COP1: variants seen among roughly 807,000 people sequenced by gnomAD.
COP1 encodes E3 ubiquitin-protein ligase COP1.
Under a neutral mutation model 101.3 loss-of-function variants are expected in COP1, and 24 were observed. The observed-to-expected ratio is 0.24, with a 90% CI of 0.17 to 0.33. The LOEUF (loss-of-function observed/expected upper bound fraction) is 0.33, where lower values mean the gene tolerates loss of function less well. Ranked by LOEUF, COP1 falls within the 10% of genes least tolerant of loss-of-function variation. The pLI is 1.00. For synonymous variants in COP1, 347 were observed against 341.9 expected, an observed-to-expected ratio of 1.01 and a Z score of -0.17; for missense variants, 663 against 906.2, an observed-to-expected ratio of 0.73 and a Z score of 3.45.
chr1:176,121,354 C>A (rs1171987097), intron 8 of COP1, among the ~76,000 whole-genome samples: 2 of 151,958 alleles, frequency 1.3e-5, no homozygotes, highest in African/African-American at 4.8e-5. Context: ...CATGTTTTTT[C>A]TTGTTTTATT....
chr1:176,053,933 G>A (rs771150344), intron 11 of COP1, among the ~76,000 whole-genome samples: 2 of 151,940 alleles, frequency 1.3e-5, no homozygotes, highest in Non-Finnish European at 2.9e-5. Flanking sequence ...CTCTACATTT[G>A]AACTGGCAGA....
At chr1:176,147,643 G>A (rs888990308) in intron 6 of COP1, among the ~76,000 whole-genome samples, 4 of 152,004 alleles carry the variant, frequency 2.6e-5, no homozygotes, top group Non-Finnish European at 5.9e-5. Flanking sequence ...AAAATCAAGC[G>A]AAAAAGTTCT....
At chr1:176,100,778 T>G (rs1009352977) in intron 9 of COP1, among the ~76,000 whole-genome samples, 6 of 152,134 alleles carry the variant, frequency 3.9e-5, no homozygotes, top group African/African-American at 1.4e-4. Context: ...TCACAAGATA[T>G]CCTTTTCTCC....
intron 15 of COP1, among the ~76,000 whole-genome samples, chr1:175,998,062 T>TAAA (rs1235042168): frequency 2.6e-5 from 1 of 38,004 alleles, no homozygotes; most frequent in Non-Finnish European, 4.2e-5. Context: ...TAGAGTATAA[T>TAAA]TAAAAAAAAA....
chr1:176,127,561 CTGTG>C (rs71129555), intron 8 of COP1, among the ~76,000 whole-genome samples: 36,997 of 148,136 alleles, frequency 0.25, 5,095 homozygotes, highest in East Asian at 0.49. Context: ...TAGTATTCTA[CTGTG>C]TGTGTGTGTG....
In COP1 at chr1:175,976,270, CTTTTTTTTTTTTT is replaced by C. The variant is rs10694480; in HGVS notation, c.2133+10660_2133+10672del. 5.8e-4 allele frequency among the ~76,000 whole-genome samples: 33 copies of C among 56,858 alleles called. 1 individual carries two copies. The East Asian group carries it at 0.015, about 26-fold the overall frequency. 37.3% of individuals were successfully genotyped at this position (56,858 alleles called of 152,430 possible). A position where few individuals can be genotyped will look rare whatever the true frequency, so the allele number is the denominator to read the frequency against. On this transcript the variant is annotated intron_variant, in intron 18 of 19. Transcript: ENST00000367669. Reference sequence around the variant, plus strand: ...TAAGTCTCTATATCAATTAGTCATTCTTTTTTTTTTTTTTTTTTTTTTTTTTAGACAGAGTCTT... The same window carrying C: ...TAAGTCTCTATATCAATTAGTCATTCTTTTTTTTTTTTTAGACAGAGTCTT...
chr1:175,967,717 AC>A (rs1652341266), intron 18 of COP1, among the ~76,000 whole-genome samples: 1 of 152,242 alleles, frequency 6.6e-6, no homozygotes, highest in Admixed American at 6.5e-5. Flanking sequence ...TTAAAAAATT[AC>A]ATAAACTGGA....
intron 6 of COP1, among the ~76,000 whole-genome samples, chr1:176,141,754 AG>A (rs1270608546): frequency 6.7e-6 from 1 of 149,886 alleles, no homozygotes; most frequent in Non-Finnish European, 1.5e-5. Flanking sequence ...TTTTTAAGAC[AG>A]GGACTCATTT....
intron 5 of COP1, among the ~76,000 whole-genome samples, chr1:176,155,139 C>T (rs1024683138): frequency 6.6e-6 from 1 of 151,976 alleles, no homozygotes; most frequent in Non-Finnish European, 1.5e-5. Context: ...GTTTAATCCT[C>T]TTCAGATTAA....
intron 3 of COP1, among the ~76,000 whole-genome samples, chr1:176,172,218 T>A (rs192048636): frequency 6.6e-6 from 1 of 152,128 alleles, no homozygotes; most frequent in Non-Finnish European, 1.5e-5. Context: ...CCTGGCTAAT[T>A]TTTTATAGAG....
intron 15 of COP1, among the ~76,000 whole-genome samples, chr1:176,027,294 A>G (rs554348717): frequency 1.3e-5 from 2 of 152,346 alleles, no homozygotes; most frequent in South Asian, 2.1e-4. Context: ...ATGTTTGTGA[A>G]TAAGTAATAA....
At chr1:175,989,716 GA>G (rs1383311038) in intron 15 of COP1, among the ~76,000 whole-genome samples, 3 of 151,878 alleles carry the variant, frequency 2.0e-5, no homozygotes, top group East Asian at 1.9e-4. Flanking sequence ...ATGATGTCAT[GA>G]AAAAAATGTT....
intron 6 of COP1, among the ~76,000 whole-genome samples, chr1:176,142,465 A>G (rs1690851150): frequency 6.6e-6 from 1 of 152,182 alleles, no homozygotes; most frequent in African/African-American, 2.4e-5. Context: ...TGCTATCTAT[A>G]AGAAATTCAC....
chr1:176,059,269 C>T (rs1156367186), intron 11 of COP1, among the ~76,000 whole-genome samples: 2 of 152,106 alleles, frequency 1.3e-5, no homozygotes, highest in Non-Finnish European at 2.9e-5. Flanking sequence ...CCCTCTTAAG[C>T]ATTGTGAACC....
At chr1:176,202,493 T>C (rs914824141) in intron 1 of COP1, among the ~76,000 whole-genome samples, 37 of 151,924 alleles carry the variant, frequency 2.4e-4, no homozygotes, top group African/African-American at 8.9e-4. Context: ...CCACCCTCAC[T>C]TTTTAATAGT....
At chr1:176,157,188 C>T (rs1572580294) in intron 5 of COP1, among the ~76,000 whole-genome samples, 1 of 151,880 alleles carries the variant, frequency 6.6e-6, no homozygotes, top group African/African-American at 2.4e-5. Flanking sequence ...AGAGAGACTC[C>T]ATCTCAAAAA....
chr1:175,973,850 G>A (rs1653860069), intron 18 of COP1, among the ~76,000 whole-genome samples: 1 of 152,272 alleles, frequency 6.6e-6, no homozygotes, highest in East Asian at 1.9e-4. Flanking sequence ...GCAGGAAAGG[G>A]TATTTGGGAA....
rs1216490622 is a variant in COP1, at chr1:176,149,425, T to C, written c.763-351A>G. 2.0e-5 allele frequency among the ~76,000 whole-genome samples: 3 copies of C among 152,112 alleles called. No homozygotes were observed. The East Asian group carries it at 5.8e-4, about 29-fold the overall frequency. On this transcript the variant is annotated intron_variant, in intron 5 of 19. Coordinates refer to ENST00000367669, the MANE Select transcript of COP1 (RefSeq NM_022457.7). ...AACAAAATTTACAGTGAAAGTAACA[T>C]AGCTTATAGACACTAAAATCACTTT...
At chr1:176,011,329 A>G (rs1441682260) in intron 15 of COP1, among the ~76,000 whole-genome samples, 1 of 152,162 alleles carries the variant, frequency 6.6e-6, no homozygotes, top group Non-Finnish European at 1.5e-5. Flanking sequence ...TCTATTTGAC[A>G]GTTTTGATAG....
Sources: allele counts gnomAD v4.1 joint callset (sites outside exome capture counted in the v4.1 genomes callset), GRCh38; gene constraint gnomAD v4.1.1; transcripts MANE v1.5; gene names NCBI Gene and HGNC (gene_info 2026-07-23, HGNC 2026-07-21).